KCTD1: variants seen among roughly 807,000 people sequenced by gnomAD.
KCTD1 encodes the protein BTB/POZ domain-containing protein KCTD1.
Under a neutral mutation model 66.0 loss-of-function variants are expected in KCTD1, and 24 were observed. The ratio of observed to expected loss-of-function variants is 0.36; its 90% CI spans 0.26 to 0.51. The LOEUF (loss-of-function observed/expected upper bound fraction) is 0.51. Among genes scored for constraint, KCTD1 ranks in the 20% least tolerant of loss-of-function variants. The pLI, the probability that KCTD1 is intolerant of heterozygous loss-of-function variation, is 0.95. For missense variants in KCTD1, 943 were observed against 1,205.2 expected (o/e 0.78, Z 3.22); for synonymous variants, 511 against 517.2 (o/e 0.99, Z 0.16).
intron 1 of KCTD1, among the ~76,000 whole-genome samples, chr18:26,637,925 C>T (rs1244139051): frequency 6.6e-6 from 1 of 152,170 alleles, no homozygotes; most frequent in Non-Finnish European, 1.5e-5. Flanking sequence ...CACTTTGTGG[C>T]TATTGTTATC....
upstream of KCTD1, among the ~76,000 whole-genome samples, chr18:26,640,670 G>C (rs1433167855): frequency 1.3e-5 from 2 of 152,122 alleles, no homozygotes; most frequent in Non-Finnish European, 2.9e-5. Flanking sequence ...TTATAGGAGG[G>C]AGAAATGTTC....
chr18:26,631,892 CA>C (rs11416173), upstream of KCTD1, among the ~76,000 whole-genome samples: 1 of 150,100 alleles, frequency 6.7e-6, no homozygotes, highest in Admixed American at 6.6e-5. Flanking sequence ...ACTAAAAATA[CA>C]AAAAAAATTA....
At chr18:26,488,545 G>A (rs926583133) in intron 2 of KCTD1, among the ~76,000 whole-genome samples, 1 of 152,140 alleles carries the variant, frequency 6.6e-6, no homozygotes, top group African/African-American at 2.4e-5. Context: ...ACGAGGCTGG[G>A]TGGGAGTTCA....
intron 1 of KCTD1, among the ~76,000 whole-genome samples, chr18:26,541,895 G>A (rs551286569): frequency 2.0e-5 from 3 of 152,140 alleles, no homozygotes; most frequent in Non-Finnish European, 4.4e-5. Context: ...TCTTGAAAGA[G>A]AAGAGTAGGC....
At chr18:26,610,809 C>A (rs1441410440) in intron 1 of KCTD1, among the ~76,000 whole-genome samples, 1 of 152,208 alleles carries the variant, frequency 6.6e-6, no homozygotes, top group East Asian at 1.9e-4. Flanking sequence ...TGGACTCTGA[C>A]AAGATATCAC....
intron 1 of KCTD1, among the ~76,000 whole-genome samples, chr18:26,517,658 C>CAA (rs968619785): frequency 0.075 from 3,988 of 52,870 alleles, 152 homozygotes; most frequent in African/African-American, 0.12. Context: ...ACTCCGTCTC[C>CAA]AAAAAAAAAA....
chr18:26,613,797 T>C (rs1258149856), intron 1 of KCTD1, among the ~76,000 whole-genome samples: 1 of 152,218 alleles, frequency 6.6e-6, no homozygotes, highest in African/African-American at 2.4e-5. Context: ...CATAATTTCA[T>C]ACATTTATTC....
intron 2 of KCTD1, among the ~76,000 whole-genome samples, chr18:26,492,846 C>A (rs28539593): frequency 6.6e-6 from 1 of 151,478 alleles, no homozygotes; most frequent in Non-Finnish European, 1.5e-5. Flanking sequence ...AAGGTTATAT[C>A]TGATATAACC....
intron 1 of KCTD1, among the ~76,000 whole-genome samples, chr18:26,634,503 C>T (rs759810395): frequency 2.3e-4 from 35 of 151,700 alleles, no homozygotes; most frequent in Non-Finnish European, 3.7e-4. Flanking sequence ...ATGAGTTACA[C>T]GGGGAGGGGA....
At chr18:26,465,677 G>A (rs1980687100) in intron 3 of KCTD1, among the ~76,000 whole-genome samples, 1 of 152,170 alleles carries the variant, frequency 6.6e-6, no homozygotes, top group South Asian at 2.1e-4. Flanking sequence ...TGCTGACGGC[G>A]GGACGGAAGG....
chr18:26,501,312 A>G, intron 1 of KCTD1, 62 bp from the exon 2 acceptor site: 1 of 1,391,476 alleles, frequency 7.2e-7, no homozygotes, highest in Non-Finnish European at 9.9e-7. Flanking sequence ...TAGGAAATAC[A>G]TATAGCATAA....
At chr18:26,549,152 C>T, upstream of KCTD1, 1 of 985,100 alleles carries the variant, frequency 1.0e-6, no homozygotes, top group South Asian at 4.7e-5. Context: ...CACGGCGAGG[C>T]CCCGCACCCT....
chr18:26,513,382 C>T (rs12454757), intron 1 of KCTD1, among the ~76,000 whole-genome samples: 37,874 of 151,408 alleles, frequency 0.25, 5,723 homozygotes, highest in Non-Finnish European at 0.34. Flanking sequence ...CCACCGCGCC[C>T]GGCCTCCAGG....
At position 26,461,144 on chromosome 18, in the gene KCTD1, T is replaced by C. The variant is rs552127207; in HGVS notation, c.2134-1219A>G. Among the ~76,000 whole-genome samples the C allele has an allele frequency of 1.6e-3, 251 of 152,294 alleles. 1 individual carries two copies. The highest frequency in any genetic ancestry group is 5.8e-4 in the East Asian group (3 of 5,178). ...AAGCACAAGATGACCATGGGATAAA[T>C]ATTTTTATTTTGCACTTTGCTCTTT... On this transcript the variant is annotated intron_variant, in intron 3 of 4. Transcript: ENST00000580059.
At chr18:26,558,462 C>A (rs961221150) in intron 1 of KCTD1, among the ~76,000 whole-genome samples, 2 of 152,034 alleles carry the variant, frequency 1.3e-5, no homozygotes, top group African/African-American at 4.8e-5. Context: ...GGATATATAC[C>A]CAAAAGATAG....
At chr18:26,489,978 C>A (rs1017032063) in intron 2 of KCTD1, among the ~76,000 whole-genome samples, 2 of 152,044 alleles carry the variant, frequency 1.3e-5, no homozygotes, top group Non-Finnish European at 2.9e-5. Flanking sequence ...AGGGTAGACT[C>A]GAAATACGAT....
Position 26,501,132 on chromosome 18 carries a change from T to C in KCTD1, c.1928A>G (p.Asp643Gly). The C allele has an allele frequency of 6.2e-7, 1 of 1,614,226 alleles. No individual in the cohort carries two copies. Among genetic ancestry groups the C allele is most frequent in the South Asian group, 1.1e-5 (1 of 91,086 alleles). ...LTKSNAPVHI[D>G]VGGHMYTSSL... The stretch of plus-strand genomic sequence containing the variant: ...GCTGGTGTACATGTGGCCGCCCACA[T>C]CAATGTGGACAGGCGCATTGGATTT... The change falls in exon 2 of 5, where the codon GAT becomes GGT. Residue 643 changes from aspartate (D) to glycine (G), a missense_variant. Asp to Gly is a moderately conservative substitution (Grantham distance 94). This residue lies in a region of KCTD1 where 41 missense variants were observed against 103.8 expected (regional missense o/e 0.39). Coordinates refer to ENST00000580059, the MANE Select transcript of KCTD1 (RefSeq NM_001142730.3).
chr18:26,576,047 A>C (rs1986217555), intron 1 of KCTD1, among the ~76,000 whole-genome samples: 1 of 152,212 alleles, frequency 6.6e-6, no homozygotes, highest in Non-Finnish European at 1.5e-5. Context: ...TCCTGTGTCT[A>C]TACTCCCTGT....
rs372663827 is a variant in KCTD1 at position 26,504,437 on chromosome 18, C to T, written c.1810-3187G>A. 1.9e-4 allele frequency among the ~76,000 whole-genome samples: 29 copies of T among 152,268 alleles called. No homozygotes were observed. The South Asian group carries it at 2.3e-3, about 12-fold the overall frequency. On this transcript the variant is annotated intron_variant, in intron 1 of 4. Coordinates refer to ENST00000580059, the MANE Select transcript of KCTD1 (RefSeq NM_001142730.3). ...GTAGAGACAGGGTTTCGCCATGTTG[C>T]CCAGACTGGTCTTGAACTCGTGAGC...
Sources: allele counts gnomAD v4.1 joint callset (sites outside exome capture counted in the v4.1 genomes callset), GRCh38; gene constraint gnomAD v4.1.1; regional missense constraint gnomAD v4.1.1; transcripts MANE v1.5; gene names NCBI Gene and HGNC (gene_info 2026-07-23, HGNC 2026-07-21).